PRRC2C: variants seen among roughly 807,000 people sequenced by gnomAD.
PRRC2C encodes proline rich coiled-coil 2C.
In PRRC2C, 72 loss-of-function variants were observed where a neutral mutation model predicts 317.2. The observed-to-expected ratio is 0.23, with a 90% CI of 0.19 to 0.28. The LOEUF is 0.28. Among genes scored for constraint, PRRC2C ranks in the 10% least tolerant of loss-of-function variants. The probability of loss-of-function intolerance (pLI) is 1.00; values close to 1 mark genes in which losing one functional copy is unlikely to be tolerated. For synonymous variants in PRRC2C, 1,296 were observed against 1,205.9 expected (o/e 1.07, Z -1.55); for missense variants, 3,074 against 3,459.7 (o/e 0.89, Z 2.80).
intron 16 of PRRC2C, among the ~76,000 whole-genome samples, chr1:171,542,985 A>C (rs558971045): frequency 1.8e-3 from 262 of 146,796 alleles, no homozygotes; most frequent in African/African-American, 5.2e-3. Flanking sequence ...TGGTCTCGAT[A>C]TCCTGACCTC....
intron 15 of PRRC2C, among the ~76,000 whole-genome samples, chr1:171,537,825 C>T (rs1266565787): frequency 6.6e-6 from 1 of 152,170 alleles, no homozygotes; most frequent in Non-Finnish European, 1.5e-5. Flanking sequence ...CTTACCTCAG[C>T]TTCCTGAGTG....
At chr1:171,583,890 C>T in intron 28 of PRRC2C, 66 bp from the exon 29 acceptor site, 1 of 1,396,486 alleles carries the variant, frequency 7.2e-7, no homozygotes, top group Non-Finnish European at 1.0e-6. Context: ...GATTTGCATT[C>T]TTAAGATTTT....
chr1:171,584,406 A>G lies in PRRC2C; in HGVS notation c.7642-13A>G, dbSNP rs1209232729. ...TCAGTCTTACTCATGTTTTCTTAAA[A>G]AATTTTTTCTAGGCCAGAGCAAATC... On this transcript the variant is annotated splice_polypyrimidine_tract_variant and intron_variant, in intron 29 of 34. Coordinates refer to ENST00000647382, the MANE Select transcript of PRRC2C (RefSeq NM_001387844.1). 1.3e-6 allele frequency: 2 copies of G among 1,538,712 alleles called. No homozygotes were observed. The highest frequency in any genetic ancestry group is 2.8e-5 in the African/African-American group (2 of 71,626).
rs368589140 is a variant in PRRC2C, at chr1:171,566,803, T to C, written c.6518T>C (p.Met2173Thr). 3 of 1,613,780 alleles carry C rather than the reference T, an allele frequency of 1.9e-6. No homozygotes were observed. The highest frequency in any genetic ancestry group is 2.5e-6 in the Non-Finnish European group (3 of 1,179,854). The change falls in exon 22 of 35, where the codon ATG becomes ACG. Residue 2173 changes from methionine (M) to threonine (T), a missense_variant. Around this residue, in one of 11 missense-constraint regions of PRRC2C, gnomAD observed 640 missense variants for 676.1 expected, o/e 0.95. Transcript: ENST00000647382. ...VSEMSTEIGT[M>T]ISVSSAEYGT... Reference sequence around the variant, plus strand: ...GAAATGTCTACTGAAATAGGAACAATGATCTCGGTATCATCTGCAGAATAT... The same window carrying C: ...GAAATGTCTACTGAAATAGGAACAACGATCTCGGTATCATCTGCAGAATAT...
At chr1:171,535,346 T>G in intron 12 of PRRC2C, 82 bp from the exon 13 acceptor site, 1 of 1,257,452 alleles carries the variant, frequency 8.0e-7, no homozygotes. Context: ...TAACTTTTAT[T>G]ATACCTCAGT....
At position 171,517,666 on chromosome 1, in the gene PRRC2C, G is replaced by C; in HGVS notation, c.602G>C (p.Gly201Ala). 1 of 1,613,314 alleles carries C rather than the reference G, an allele frequency of 6.2e-7. No homozygotes were observed. Among genetic ancestry groups the C allele is most frequent in the Non-Finnish European group, 8.5e-7 (1 of 1,179,786 alleles). The change falls in exon 6 of 35, where the codon GGC becomes GCC. Residue 201 changes from glycine (G) to alanine (A), a missense_variant. This residue lies in a region of PRRC2C where 237 missense variants were observed against 199.5 expected (regional missense o/e 1.19). Transcript: ENST00000647382. Reference sequence around the variant, plus strand: ...TCTGATCAAGATGAAAAGCTCCCTGGCCAGGATGAAAGCACAGCTGGAACA... The same window carrying C: ...TCTGATCAAGATGAAAAGCTCCCTGCCCAGGATGAAAGCACAGCTGGAACA... ...SSSDQDEKLP[G>A]QDESTAGTSE...
At chr1:171,568,378 A>G (rs1355921682) in intron 23 of PRRC2C, 39 bp downstream of exon 23, 1 of 1,563,760 alleles carries the variant, frequency 6.4e-7, no homozygotes, top group Admixed American at 1.9e-5. Context: ...TTTGGATTGG[A>G]ACCTGGCTAT....
chr1:171,533,076 A>G (rs1676159449), intron 12 of PRRC2C, 115 bp downstream of exon 12: 1 of 1,084,040 alleles, frequency 9.2e-7, no homozygotes, highest in Non-Finnish European at 1.2e-6. Flanking sequence ...TGATTGTTTT[A>G]TGATAGCATT....
At chr1:171,512,235 G>A (rs1474938351) in intron 2 of PRRC2C, 35 bp downstream of exon 2, 2 of 1,407,074 alleles carry the variant, frequency 1.4e-6, no homozygotes, top group East Asian at 5.1e-5. Flanking sequence ...TGTTTTTCAT[G>A]GTTTGTTTTG....
intron 8 of PRRC2C, 35 bp from the exon 9 acceptor site, chr1:171,523,400 C>T: frequency 1.2e-6 from 2 of 1,613,658 alleles, no homozygotes; most frequent in African/African-American, 2.7e-5. Flanking sequence ...TAGATGCTTT[C>T]AAGCAGCCAG....
intron 30 of PRRC2C, among the ~76,000 whole-genome samples, chr1:171,584,920 C>T (rs916798847): frequency 6.6e-6 from 1 of 152,088 alleles, no homozygotes; most frequent in Admixed American, 6.6e-5. Context: ...TACAGGCTCA[C>T]GCCATTATGC....
chr1:171,550,319 A>G lies in PRRC2C; in HGVS notation c.5127+79A>G, dbSNP rs1262568706. 9.2e-6 allele frequency: 12 copies of G among 1,301,062 alleles called. No individual in the cohort carries two copies. The East Asian group carries it at 1.5e-4, about 17-fold the overall frequency. The allele number at this position is 1,301,062 out of a possible 1,614,324, so 80.6% of individuals were successfully genotyped here. ...GTATCAGCAAATGTTCAAGGTTTTT[A>G]TACTTGTCAAGGCTGTTTTCATTAT... On this transcript the variant is annotated intron_variant, in intron 18 of 34. Transcript: ENST00000647382.
intron 1 of PRRC2C, chr1:171,511,388 G>C (rs1278571359): frequency 5.3e-5 from 8 of 152,100 alleles, no homozygotes; most frequent in Non-Finnish European, 7.4e-5. Flanking sequence ...TTATGAAAAT[G>C]TTATTTATTT....
chr1:171,518,730 T>C (rs1259356832), intron 6 of PRRC2C, among the ~76,000 whole-genome samples: 2 of 144,202 alleles, frequency 1.4e-5, no homozygotes, highest in African/African-American at 5.2e-5. Flanking sequence ...TTTGAACTCC[T>C]GGCATCAAGT....
At position 171,558,052 on chromosome 1, in the gene PRRC2C, C is replaced by A. The variant is rs1196792375; in HGVS notation, c.5940C>A (p.Ile1980=). The A allele has an allele frequency of 6.2e-7, 1 of 1,614,020 alleles. No homozygotes were observed. The highest frequency in any genetic ancestry group is 1.7e-5 in the Admixed American group (1 of 60,026). ...ATTATGTAGCCTCAGGAAAATCCAT[C>A]CAGACCCCACAGTCACATGGCACTC... ...GTDYVASGKS[I]QTPQSHGTLT... Residue 1980 remains isoleucine, a synonymous_variant, in exon 19 of 35, where the codon ATC becomes ATA. Transcript: ENST00000647382.
At chr1:171,518,514 T>TTTTTTTTG (rs1672884715) in intron 6 of PRRC2C, among the ~76,000 whole-genome samples, 1 of 93,616 alleles carries the variant, frequency 1.1e-5, no homozygotes, top group Non-Finnish European at 2.3e-5. Flanking sequence ...TTTTTTTTTT[T>TTTTTTTTG]GGAGACAGAG....
intron 17 of PRRC2C, among the ~76,000 whole-genome samples, chr1:171,547,487 A>C (rs746200192): frequency 2.0e-5 from 3 of 152,130 alleles, no homozygotes; most frequent in Non-Finnish European, 2.9e-5. Context: ...CATCCTTTGA[A>C]ATGTTTGACT....
intron 7 of PRRC2C, 44 bp downstream of exon 7, chr1:171,522,303 G>T: frequency 7.4e-7 from 1 of 1,349,840 alleles, no homozygotes; most frequent in Non-Finnish European, 1.1e-6. Flanking sequence ...ATATATGCTT[G>T]TTAAGATTTC....
chr1:171,553,740 A>G lies in PRRC2C; in HGVS notation c.5127+3500A>G, dbSNP rs551183889. ...TCTGTTATTTATCCAGTAGTCATTT[A>G]GGAGCAGGTTGTTCAGTTTCCATGT... On this transcript the variant is annotated intron_variant, in intron 18 of 34. Coordinates refer to ENST00000647382, the MANE Select transcript of PRRC2C (RefSeq NM_001387844.1). 2.6e-4 allele frequency among the ~76,000 whole-genome samples: 40 copies of G among 152,326 alleles called. No individual in the cohort carries two copies. The Middle Eastern group carries it at 0.014, about 52-fold the overall frequency.
Sources: allele counts gnomAD v4.1 joint callset (sites outside exome capture counted in the v4.1 genomes callset), GRCh38; gene constraint gnomAD v4.1.1; regional missense constraint gnomAD v4.1.1; transcripts MANE v1.5; gene names NCBI Gene and HGNC (gene_info 2026-07-23, HGNC 2026-07-21).